SLC35D4: variants seen among roughly 807,000 people sequenced by gnomAD.
SLC35D4 encodes the protein UDP-N-acetylglucosamine transporter SLC35D4.
At chr18:23,384,854 T>C in the SLC35D4 span, 15 of 674,834 alleles carry the variant, frequency 2.2e-5, no homozygotes, top group Middle Eastern at 2.5e-4. Context: ...CATGGTATCA[T>C]TGATCACTAT....
chr18:23,354,095 G>C, the SLC35D4 span, among the ~76,000 whole-genome samples: 457 of 152,298 alleles, frequency 3.0e-3, 4 homozygotes, highest in African/African-American at 0.011. Flanking sequence ...AAGTGCCACT[G>C]TGTGGCCAGA....
the SLC35D4 span, among the ~76,000 whole-genome samples, chr18:23,294,788 C>CA: frequency 6.6e-6 from 1 of 151,788 alleles, no homozygotes; most frequent in Non-Finnish European, 1.5e-5. Flanking sequence ...ACAAACAAAC[C>CA]AAAAAACAAA....
At chr18:23,306,472 A>G in the SLC35D4 span, among the ~76,000 whole-genome samples, 1 of 152,028 alleles carries the variant, frequency 6.6e-6, no homozygotes, top group Non-Finnish European at 1.5e-5. Context: ...ACACCTGGCT[A>G]ATTTTGTATT....
the SLC35D4 span, among the ~76,000 whole-genome samples, chr18:23,430,858 C>CTA: frequency 3.3e-5 from 5 of 152,118 alleles, no homozygotes; most frequent in African/African-American, 1.2e-4. Flanking sequence ...CCAAGTCATA[C>CTA]TAAAGAAATT....
the SLC35D4 span, among the ~76,000 whole-genome samples, chr18:23,414,597 C>T: frequency 6.6e-6 from 1 of 151,478 alleles, no homozygotes; most frequent in Admixed American, 6.6e-5. Context: ...CGCTTGAACC[C>T]CGCAGGCAGA....
chr18:23,309,822 T>C, the SLC35D4 span: 1 of 1,410,802 alleles, frequency 7.1e-7, no homozygotes, highest in Non-Finnish European at 1.0e-6. Flanking sequence ...TTTCACAAGC[T>C]TAGCTCACTT....
the SLC35D4 span, among the ~76,000 whole-genome samples, chr18:23,415,364 C>T: frequency 2.6e-5 from 4 of 152,278 alleles, no homozygotes; most frequent in East Asian, 7.7e-4. Flanking sequence ...TCTTTGAAAG[C>T]TTGAGAGTTC....
chr18:23,421,498 C>A, the SLC35D4 span: 1 of 1,522,386 alleles, frequency 6.6e-7, no homozygotes, highest in Non-Finnish European at 9.1e-7. Context: ...GTCTCCAACA[C>A]CATCCAGCCC....
chr18:23,405,016 A>AG, the SLC35D4 span, among the ~76,000 whole-genome samples: 4 of 150,232 alleles, frequency 2.7e-5, no homozygotes, highest in Non-Finnish European at 5.9e-5. Context: ...AAAAAAAAAA[A>AG]AAAAAAACAG....
chr18:23,416,805 T>C, the SLC35D4 span, among the ~76,000 whole-genome samples: 4,045 of 152,314 alleles, frequency 0.027, 60 homozygotes, highest in Middle Eastern at 0.061. Context: ...CCGAGATACG[T>C]AGAACCTAGC....
chr18:23,394,277 T>C, the SLC35D4 span, among the ~76,000 whole-genome samples: 1 of 152,224 alleles, frequency 6.6e-6, no homozygotes, highest in African/African-American at 2.4e-5. Flanking sequence ...GTATCTCCTA[T>C]AGTTCTGATT....
chr18:23,301,451 T>C, the SLC35D4 span, among the ~76,000 whole-genome samples: 23 of 152,302 alleles, frequency 1.5e-4, no homozygotes, highest in African/African-American at 5.3e-4. Context: ...TGAAGTTCCT[T>C]AAAATTAAAG....
chr18:23,428,890 T>A, the SLC35D4 span, among the ~76,000 whole-genome samples: 1 of 152,234 alleles, frequency 6.6e-6, no homozygotes, highest in Non-Finnish European at 1.5e-5. Context: ...CATCTTTATG[T>A]CCATGTGTAC....
the SLC35D4 span, among the ~76,000 whole-genome samples, chr18:23,335,583 G>T: frequency 6.6e-6 from 1 of 152,186 alleles, no homozygotes; most frequent in Non-Finnish European, 1.5e-5. Context: ...AGAAAGGAAG[G>T]AATGGGTATA....
At chr18:23,414,271 A>AAAAAAG in the SLC35D4 span, among the ~76,000 whole-genome samples, 156 of 149,120 alleles carry the variant, frequency 1.0e-3, no homozygotes, top group Middle Eastern at 0.01. Context: ...AAGAAAAGAA[A>AAAAAAG]AAAAAGAAAA....
the SLC35D4 span, among the ~76,000 whole-genome samples, chr18:23,349,198 A>G: frequency 6.6e-6 from 1 of 152,120 alleles, no homozygotes; most frequent in Non-Finnish European, 1.5e-5. Context: ...GTAAATTAAT[A>G]TTTTTCAACA....
At chr18:23,253,778 G>C in the SLC35D4 span, 1 of 1,614,216 alleles carries the variant, frequency 6.2e-7, no homozygotes, top group South Asian at 1.1e-5. Flanking sequence ...TGGCCTTGAG[G>C]AGCCCACGGT....
the SLC35D4 span, among the ~76,000 whole-genome samples, chr18:23,432,431 C>G: frequency 6.6e-6 from 1 of 152,108 alleles, no homozygotes; most frequent in Non-Finnish European, 1.5e-5. Context: ...GCCTGTAATC[C>G]CAACACTTTG....
chr18:23,421,544 C>A, the SLC35D4 span: 2 of 1,012,540 alleles, frequency 2.0e-6, no homozygotes, highest in South Asian at 2.7e-5. Context: ...GAGACAAGTT[C>A]AACTCTATTT....
Sources: gnomAD v4.1 joint callset for allele counts (sites outside exome capture counted in the v4.1 genomes callset) on GRCh38, gnomAD v4.1.1 for gene constraint, MANE v1.5 for transcripts, NCBI Gene and HGNC (gene_info 2026-07-23, HGNC 2026-07-21) for gene names.